The following SLC7A1 variants were observed in gnomAD, a reference collection of about 807,000 sequenced individuals.
SLC7A1 encodes the protein solute carrier family 7 member 1.
SLC7A1 carries 10 observed loss-of-function variants against 53.9 expected under a neutral mutation model. The observed-to-expected ratio is 0.19, with a 90% CI of 0.11 to 0.31. The LOEUF (loss-of-function observed/expected upper bound fraction) is 0.31, where lower values mean the gene tolerates loss of function less well. Among genes scored for constraint, SLC7A1 ranks in the 10% least tolerant of loss-of-function variants. SLC7A1 has a pLI of 1.00. For missense variants in SLC7A1, 525 were observed against 827.2 expected (o/e 0.63, Z 4.48); for synonymous variants, 342 against 338.7 (o/e 1.01, Z -0.11).
At position 29,522,316 on chromosome 13, in the gene SLC7A1, C is replaced by T; in HGVS notation, c.1189+1G>A. The T allele has an allele frequency of 6.2e-7, 1 of 1,614,174 alleles. No individual in the cohort carries two copies. The highest frequency in any genetic ancestry group is 8.5e-7 in the Non-Finnish European group (1 of 1,180,000). ...CATGTGAAATGAGTTCTAGTACTCA[C>T]CAGCAACGGCACCCGAGGCTAATGT... On this transcript the variant is annotated splice_donor_variant, in intron 8 of 12. Transcript: ENST00000380752. LOFTEE classifies it high-confidence loss of function.
chr13:29,569,112 C>G (rs572466602), intron 1 of SLC7A1, among the ~76,000 whole-genome samples: 14 of 152,284 alleles, frequency 9.2e-5, no homozygotes, highest in African/African-American at 3.4e-4. Flanking sequence ...CTCTCTGCCC[C>G]ATGTCTGAAA....
At chr13:29,569,160 C>T (rs1185372433) in intron 1 of SLC7A1, among the ~76,000 whole-genome samples, 1 of 152,146 alleles carries the variant, frequency 6.6e-6, no homozygotes, top group Non-Finnish European at 1.5e-5. Flanking sequence ...TCCCTGCCTT[C>T]CCCACTACGA....
intron 1 of SLC7A1, among the ~76,000 whole-genome samples, chr13:29,576,910 G>C (rs111483753): frequency 6.6e-6 from 1 of 152,182 alleles, no homozygotes; most frequent in East Asian, 1.9e-4. Context: ...ACCCAGGTCT[G>C]TCTGGCGCCA....
chr13:29,537,564 C>T (rs898835077), intron 2 of SLC7A1, among the ~76,000 whole-genome samples: 1 of 152,150 alleles, frequency 6.6e-6, no homozygotes, highest in Non-Finnish European at 1.5e-5. Flanking sequence ...CAGTTAGTGA[C>T]AGCACATCAA....
intron 1 of SLC7A1, among the ~76,000 whole-genome samples, chr13:29,567,067 G>T (rs1870997754): frequency 6.6e-6 from 1 of 152,166 alleles, no homozygotes; most frequent in Non-Finnish European, 1.5e-5. Context: ...TTTCACGAGG[G>T]TGAAATTAGC....
chr13:29,556,753 CTCTTT>C (rs1375027953), intron 1 of SLC7A1, among the ~76,000 whole-genome samples: 2 of 152,196 alleles, frequency 1.3e-5, no homozygotes, highest in Non-Finnish European at 2.9e-5. Flanking sequence ...GTCCTCCATA[CTCTTT>C]AAGGGTGTCA....
At chr13:29,533,285 C>A (rs1056505296) in intron 3 of SLC7A1, among the ~76,000 whole-genome samples, 1 of 152,134 alleles carries the variant, frequency 6.6e-6, no homozygotes, top group African/African-American at 2.4e-5. Flanking sequence ...ACCCTTACCA[C>A]CTGAGAGGCA....
rs564906119 is a variant in SLC7A1, at chr13:29,521,873, G to A, written c.1189+444C>T. Among the ~76,000 whole-genome samples the A allele has an allele frequency of 9.2e-5, 14 of 152,192 alleles. No homozygotes were observed. The South Asian group carries it at 2.7e-3, about 29-fold the overall frequency. On this transcript the variant is annotated intron_variant, in intron 8 of 12. Coordinates refer to ENST00000380752, the MANE Select transcript of SLC7A1 (RefSeq NM_003045.5). ...CCTTGATACTCTCTGGGGAAGAGGCGGCACATTTCATAAAACACTGATCAT... is the reference window on the plus strand; with the variant it reads ...CCTTGATACTCTCTGGGGAAGAGGCAGCACATTTCATAAAACACTGATCAT...
chr13:29,575,582 A>G (rs1045733825), intron 1 of SLC7A1, among the ~76,000 whole-genome samples: 2 of 152,244 alleles, frequency 1.3e-5, no homozygotes, highest in Non-Finnish European at 2.9e-5. Context: ...TTGCCATAAA[A>G]CAAATGTGCC....
chr13:29,509,780 C>T lies in SLC7A1; in HGVS notation c.*4700G>A, dbSNP rs1035079092. 26 of 152,406 alleles carry T rather than the reference C, an allele frequency of 1.7e-4. No individual in the cohort carries two copies. Among genetic ancestry groups the T allele is most frequent in the African/African-American group, 6.0e-4 (25 of 41,390 alleles). 9.4% of individuals were successfully genotyped at this position (152,406 alleles called of 1,614,324 possible). A position where few individuals can be genotyped will look rare whatever the true frequency, so the allele number is the denominator to read the frequency against. ...AAAAACACACAACTCTTAATAATGG[C>T]TCCATGTTCAGTAGAAGAAAATATT... is the stretch of plus-strand genomic sequence containing the variant. On this transcript the variant is annotated 3_prime_UTR_variant, in exon 13 of 13. Transcript: ENST00000380752.
intron 2 of SLC7A1, among the ~76,000 whole-genome samples, chr13:29,547,749 G>A (rs1869985299): frequency 1.3e-5 from 2 of 152,226 alleles, no homozygotes; most frequent in Non-Finnish European, 2.9e-5. Context: ...AGCCCACCTC[G>A]AGTCTGTCTA....
At chr13:29,586,247 A>C (rs1226568311) in intron 1 of SLC7A1, among the ~76,000 whole-genome samples, 1 of 152,242 alleles carries the variant, frequency 6.6e-6, no homozygotes, top group African/African-American at 2.4e-5. Flanking sequence ...TTACAACAGA[A>C]ACTTAAAATA....
chr13:29,572,337 C>G (rs1984029), intron 1 of SLC7A1, among the ~76,000 whole-genome samples: 21,552 of 152,210 alleles, frequency 0.14, 2,040 homozygotes, highest in African/African-American at 0.26. Flanking sequence ...TCCACGCACA[C>G]GCTGTCAATA....
intron 3 of SLC7A1, among the ~76,000 whole-genome samples, chr13:29,535,469 A>C (rs1403578030): frequency 6.6e-6 from 1 of 152,238 alleles, no homozygotes; most frequent in Non-Finnish European, 1.5e-5. Flanking sequence ...CCTAGTATCT[A>C]GCACAATGCC....
At chr13:29,590,740 C>T (rs534641677) in intron 1 of SLC7A1, among the ~76,000 whole-genome samples, 9 of 152,268 alleles carry the variant, frequency 5.9e-5, no homozygotes, top group Middle Eastern at 6.8e-3. Context: ...TAGAAACCCA[C>T]CCAAGGAAAG....
intron 1 of SLC7A1, among the ~76,000 whole-genome samples, chr13:29,590,564 G>C (rs2139195581): frequency 6.6e-6 from 1 of 152,250 alleles, no homozygotes; most frequent in Non-Finnish European, 1.5e-5. Context: ...ATTCCAAAGA[G>C]AGATGGCTTC....
At chr13:29,520,408 G>T (rs1003765863) in intron 8 of SLC7A1, among the ~76,000 whole-genome samples, 29 of 152,200 alleles carry the variant, frequency 1.9e-4, no homozygotes, top group African/African-American at 7.0e-4. Context: ...GCGGGCAGGA[G>T]AGCAGAGTTC....
intron 1 of SLC7A1, among the ~76,000 whole-genome samples, chr13:29,589,482 G>A (rs966788651): frequency 1.3e-5 from 2 of 152,222 alleles, no homozygotes; most frequent in Admixed American, 6.5e-5. Flanking sequence ...CACACACACC[G>A]GCTCCTGACA....
intron 4 of SLC7A1, among the ~76,000 whole-genome samples, chr13:29,531,112 C>T (rs1869137173): frequency 6.6e-6 from 1 of 152,130 alleles, no homozygotes; most frequent in African/African-American, 2.4e-5. Context: ...GGAACAATTC[C>T]AGGAAGAAAG....
Sources: allele counts gnomAD v4.1 joint callset (sites outside exome capture counted in the v4.1 genomes callset), GRCh38; gene constraint gnomAD v4.1.1; transcripts MANE v1.5; gene names NCBI Gene and HGNC (gene_info 2026-07-23, HGNC 2026-07-21).